TTLL7: variants seen among roughly 807,000 people sequenced by gnomAD.
The protein encoded by TTLL7 is tubulin tyrosine ligase like 7, also known as tubulin polyglutamylase TTLL7.
In TTLL7, 53 loss-of-function variants were observed where a neutral mutation model predicts 120.2. The ratio of observed to expected loss-of-function variants is 0.44; its 90% CI spans 0.35 to 0.55. The LOEUF is 0.55. Ranked by LOEUF, TTLL7 falls within the 20% of genes least tolerant of loss-of-function variation. The pLI, the probability that TTLL7 is intolerant of heterozygous loss-of-function variation, is 0.00. For missense variants in TTLL7, 803 were observed against 1,054.7 expected (o/e 0.76, Z 3.31); for synonymous variants, 353 against 351.7 (o/e 1.00, Z -0.04).
chr1:83,892,124 T>A (rs1205365870), intron 18 of TTLL7, among the ~76,000 whole-genome samples: 6 of 151,320 alleles, frequency 4.0e-5, no homozygotes, highest in Non-Finnish European at 7.4e-5. Context: ...TCATCACCCC[T>A]GGCCATGATA....
At chr1:83,915,395 G>T (rs1658057402) in intron 14 of TTLL7, among the ~76,000 whole-genome samples, 1 of 152,126 alleles carries the variant, frequency 6.6e-6, no homozygotes, top group Non-Finnish European at 1.5e-5. Context: ...ATGGGGAAAG[G>T]ATTCCCTATT....
chr1:83,936,407 T>C (rs944823938), intron 8 of TTLL7, among the ~76,000 whole-genome samples: 3 of 152,094 alleles, frequency 2.0e-5, no homozygotes, highest in African/African-American at 4.8e-5. Flanking sequence ...CACTGAGCAA[T>C]AGACCAATGC....
intron 5 of TTLL7, 48 bp downstream of exon 5, chr1:83,948,580 G>A (rs1351292811): frequency 1.7e-6 from 2 of 1,190,840 alleles, no homozygotes; most frequent in South Asian, 1.3e-5. Flanking sequence ...AGTAGTTATG[G>A]TATAAATTTT....
At chr1:83,937,774 T>C in intron 8 of TTLL7, 78 bp downstream of exon 8, 9 of 1,547,404 alleles carry the variant, frequency 5.8e-6, no homozygotes, top group Non-Finnish European at 8.0e-6. Context: ...CAACTCTTAA[T>C]GAACTTTCAT....
intron 1 of TTLL7, among the ~76,000 whole-genome samples, chr1:83,981,830 CA>C (rs749082466): frequency 0.073 from 6,372 of 86,890 alleles, 143 homozygotes; most frequent in Middle Eastern, 0.21. Flanking sequence ...GACTCTGTCA[CA>C]AAAAAAAAAA....
intron 10 of TTLL7, among the ~76,000 whole-genome samples, chr1:83,924,177 T>A (rs1302373680): frequency 6.6e-6 from 1 of 151,964 alleles, no homozygotes; most frequent in Non-Finnish European, 1.5e-5. Context: ...ATAAAGGAAG[T>A]GGGAGCAATG....
chr1:83,973,195 T>C (rs1482182161), intron 1 of TTLL7, among the ~76,000 whole-genome samples: 1 of 152,132 alleles, frequency 6.6e-6, no homozygotes, highest in African/African-American at 2.4e-5. Flanking sequence ...AGGAGTTTTA[T>C]ACTTTTGCAT....
intron 1 of TTLL7, among the ~76,000 whole-genome samples, chr1:83,982,067 G>T (rs973629791): frequency 1.3e-5 from 2 of 152,014 alleles, no homozygotes; most frequent in Non-Finnish European, 2.9e-5. Context: ...ATATTTAAAA[G>T]AATTTAAACC....
rs572158582 is a variant in TTLL7 at position 83,926,078 on chromosome 1, G to A, written c.1142+3058C>T. Among the ~76,000 whole-genome samples the A allele has an allele frequency of 4.1e-5, 6 of 146,870 alleles. No homozygotes were observed. In the East Asian group the frequency reaches 8.0e-4, roughly 19 times the overall value. ...GGAGGTTGCAGTGAACCAAGAGCGC[G>A]CCACTGCACTCCAGTCTCTTTTGGG... On this transcript the variant is annotated intron_variant, in intron 10 of 20. Coordinates refer to ENST00000260505, the MANE Select transcript of TTLL7 (RefSeq NM_024686.6).
At chr1:83,905,471 G>T (rs1657110951) in intron 17 of TTLL7, among the ~76,000 whole-genome samples, 1 of 150,900 alleles carries the variant, frequency 6.6e-6, no homozygotes, top group South Asian at 2.1e-4. Flanking sequence ...CAAGTGCATG[G>T]CTGTAGTTTT....
chr1:83,947,291 T>G lies in TTLL7; in HGVS notation c.348-9A>C. 4 of 1,583,068 alleles carry G rather than the reference T, an allele frequency of 2.5e-6. No homozygotes were observed. The highest frequency in any genetic ancestry group is 3.4e-6 in the Non-Finnish European group (4 of 1,170,172). ...GCCGAGACTTGATCATTCTGTAAAT[T>G]GGACATAATAGGAAAAATAATTTCT... On this transcript the variant is annotated splice_polypyrimidine_tract_variant and intron_variant, in intron 5 of 20. Transcript: ENST00000260505.
chr1:83,906,170 TA>T (rs1657183194), intron 17 of TTLL7, among the ~76,000 whole-genome samples, 158 bp downstream of exon 17: 1 of 152,046 alleles, frequency 6.6e-6, no homozygotes, highest in South Asian at 2.1e-4. Flanking sequence ...ACAATTAAAA[TA>T]AACCCCTGTA....
chr1:83,937,753 C>A (rs1261060488), intron 8 of TTLL7, 99 bp downstream of exon 8: 3 of 1,411,438 alleles, frequency 2.1e-6, no homozygotes, highest in Non-Finnish European at 3.0e-6. Flanking sequence ...TTATAGGGAA[C>A]CAAGTTCAAT....
At chr1:83,993,645 CAG>C (rs1653204971) in intron 1 of TTLL7, among the ~76,000 whole-genome samples, 1 of 152,168 alleles carries the variant, frequency 6.6e-6, no homozygotes, top group Non-Finnish European at 1.5e-5. Context: ...AAGAAAGGAT[CAG>C]AGACCTTTGG....
chr1:83,987,573 G>T (rs1225785055), intron 1 of TTLL7, among the ~76,000 whole-genome samples: 2 of 151,996 alleles, frequency 1.3e-5, no homozygotes, highest in African/African-American at 4.8e-5. Context: ...TACTACTGTG[G>T]ACTTTAAATA....
At chr1:83,899,497 C>T (rs1656526155) in intron 18 of TTLL7, among the ~76,000 whole-genome samples, 1 of 151,830 alleles carries the variant, frequency 6.6e-6, no homozygotes, top group African/African-American at 2.4e-5. Context: ...AAGACCAGCC[C>T]TTTCTGTTCT....
In TTLL7 at chr1:83,951,828, C is replaced by A. The variant is rs910692541; in HGVS notation, c.157+17G>T. The A allele has an allele frequency of 1.2e-6, 2 of 1,601,186 alleles. No individual in the cohort carries two copies. The highest frequency in any genetic ancestry group is 1.8e-5 in the Admixed American group (1 of 57,130). On this transcript the variant is annotated intron_variant, in intron 3 of 20. Transcript: ENST00000260505. The stretch of plus-strand genomic sequence containing the variant: ...AGCAATTATGAGAATCCCATGATTG[C>A]TTCTAAGGAAACCTACCAATTTCAA...
chr1:83,997,615 A>G (rs549735564), intron 1 of TTLL7, among the ~76,000 whole-genome samples: 249 of 152,332 alleles, frequency 1.6e-3, no homozygotes, highest in African/African-American at 5.5e-3. Context: ...AAATGGAGTT[A>G]TCACCTGTTA....
rs139777685 is a variant in TTLL7, at chr1:83,904,155, A to G, written c.2132T>C (p.Ile711Thr). Reference protein sequence around the residue: ...AESELLIEDIIDNWKYHKTKV... With the variant: ...AESELLIEDITDNWKYHKTKV... ...GGTTTTATGATACTTCCAGTTATCA[A>G]TGATCTGTTTGGAAGGAGGAACATT... The change falls in exon 18 of 21, where the codon ATT (isoleucine) becomes ACT (threonine). Residue 711 changes from isoleucine to threonine, a missense_variant. Coordinates refer to ENST00000260505, the MANE Select transcript of TTLL7 (RefSeq NM_024686.6). The G allele has an allele frequency of 9.8e-5, 158 of 1,610,940 alleles. No homozygotes were observed. Among genetic ancestry groups the G allele is most frequent in the Non-Finnish European group, 1.3e-4 (150 of 1,178,210 alleles).
Sources: gnomAD v4.1 joint callset for allele counts (sites outside exome capture counted in the v4.1 genomes callset) on GRCh38, gnomAD v4.1.1 for gene constraint, MANE v1.5 for transcripts, NCBI Gene and HGNC (gene_info 2026-07-23, HGNC 2026-07-21) for gene names.